Variants in ANKRD29 observed in about 807,000 individuals in gnomAD.
The protein encoded by ANKRD29 is ankyrin repeat domain-containing protein 29.
ANKRD29 carries 32 observed loss-of-function variants against 38.0 expected under a neutral mutation model. That is an observed-to-expected ratio of 0.84 (90% confidence interval 0.64 to 1.13). The LOEUF (loss-of-function observed/expected upper bound fraction) is 1.13. ANKRD29 is among the 50% of genes most tolerant of loss of function. The pLI is 0.00. For synonymous variants in ANKRD29, 135 were observed against 152.4 expected (o/e 0.89, Z 0.84); for missense variants, 357 against 377.9 (o/e 0.94, Z 0.46).
At chr18:23,640,728 C>A (rs1249184916) in intron 3 of ANKRD29, among the ~76,000 whole-genome samples, 1 of 152,150 alleles carries the variant, frequency 6.6e-6, no homozygotes, top group Non-Finnish European at 1.5e-5. Flanking sequence ...ATGAACCATT[C>A]TTGTGGGCAA....
rs2059910306 is a variant in ANKRD29, at chr18:23,630,066, G to T, written c.430-115C>A. The T allele has an allele frequency of 4.9e-6, 4 of 812,218 alleles. No individual in the cohort carries two copies. The Admixed American group carries it at 9.1e-5, about 18-fold the overall frequency. The allele number at this position is 812,218 out of a possible 1,614,324, so 50.3% of individuals were successfully genotyped here. A position where few individuals can be genotyped will look rare whatever the true frequency, so the allele number is the denominator to read the frequency against. ...TAATCACAGCACTTTGGGAGGCCTA[G>T]GTAGGTGAATCCAGGAGATAGAGAC... is the stretch of plus-strand genomic sequence containing the variant. On this transcript the variant is annotated intron_variant, in intron 5 of 9. Coordinates refer to ENST00000592179, the MANE Select transcript of ANKRD29 (RefSeq NM_173505.4).
intron 1 of ANKRD29, among the ~76,000 whole-genome samples, chr18:23,654,663 C>G (rs563938674): frequency 6.7e-6 from 1 of 150,240 alleles, no homozygotes; most frequent in African/African-American, 2.4e-5. Context: ...CTGTTTGGGT[C>G]CAGAGTCTGA....
At chr18:23,633,912 T>G in intron 5 of ANKRD29, 139 bp downstream of exon 5, 3 of 812,622 alleles carry the variant, frequency 3.7e-6, no homozygotes, top group Non-Finnish European at 6.1e-6. Flanking sequence ...TGGTCCGCTA[T>G]ATATTTTTCT....
At chr18:23,636,786 C>A (rs2060008744) in intron 4 of ANKRD29, among the ~76,000 whole-genome samples, 1 of 152,046 alleles carries the variant, frequency 6.6e-6, no homozygotes, top group Non-Finnish European at 1.5e-5. Context: ...ATTGCCCAGG[C>A]TGGTCTTGAA....
intron 9 of ANKRD29, among the ~76,000 whole-genome samples, chr18:23,605,216 C>T (rs1012452997): frequency 3.9e-5 from 6 of 152,110 alleles, no homozygotes; most frequent in South Asian, 2.1e-4. Flanking sequence ...CCACCATGCC[C>T]GGCCCAGAAT....
intron 7 of ANKRD29, chr18:23,618,924 T>C (rs1876864142): frequency 6.6e-6 from 1 of 152,132 alleles, no homozygotes; most frequent in Non-Finnish European, 1.5e-5. Flanking sequence ...GATTTCCCTT[T>C]TTTGGAGCTT....
rs149474479 is a variant in ANKRD29, at chr18:23,633,719, C to T, written c.429+332G>A. ...CTGAGTAGCTGGGATTACAGGCACCCGCTACCATCCCCGGCTAAGTTTTGT... is the reference window on the plus strand; with the variant it reads ...CTGAGTAGCTGGGATTACAGGCACCTGCTACCATCCCCGGCTAAGTTTTGT... On this transcript the variant is annotated intron_variant, in intron 5 of 9. Coordinates refer to ENST00000592179, the MANE Select transcript of ANKRD29 (RefSeq NM_173505.4). Among the ~76,000 whole-genome samples the T allele has an allele frequency of 1.7e-3, 255 of 152,078 alleles. 2 individuals carry two copies. The highest frequency in any genetic ancestry group is 5.9e-3 in the African/African-American group (244 of 41,484).
chr18:23,640,252 G>A (rs988826045), intron 3 of ANKRD29, among the ~76,000 whole-genome samples: 8 of 152,180 alleles, frequency 5.3e-5, no homozygotes, highest in Non-Finnish European at 1.0e-4. Context: ...TCCCCCAGGA[G>A]CCTCCAGTGG....
intron 1 of ANKRD29, 83 bp downstream of exon 1, chr18:23,662,627 A>AACACC: frequency 1.8e-5 from 1 of 54,444 alleles, no homozygotes; most frequent in Non-Finnish European, 3.3e-5. Context: ...ACCCCATCCC[A>AACACC]CCCCATCCCA....
chr18:23,631,243 T>C (rs1457860279), intron 5 of ANKRD29, among the ~76,000 whole-genome samples: 2 of 106,996 alleles, frequency 1.9e-5, no homozygotes, highest in Non-Finnish European at 4.2e-5. Flanking sequence ...CTCTCTCTTC[T>C]TTTTTTTTTT....
rs2059485819 is a variant in ANKRD29, at chr18:23,599,181, T to A, written c.*2045A>T. The A allele has an allele frequency of 6.6e-6, 1 of 152,210 alleles. No individual in the cohort carries two copies. The highest frequency in any genetic ancestry group is 2.4e-5 in the African/African-American group (1 of 41,462). 9.4% of individuals were successfully genotyped at this position (152,210 alleles called of 1,614,324 possible). A position where few individuals can be genotyped will look rare whatever the true frequency, so the allele number is the denominator to read the frequency against. On this transcript the variant is annotated 3_prime_UTR_variant, in exon 10 of 10. Transcript: ENST00000592179. Reference sequence around the variant, plus strand: ...CGTACAGTCTTTGGTAGGTGATGATTCATTTTCCCTGCTATGGGTAATCTC... The same window carrying A: ...CGTACAGTCTTTGGTAGGTGATGATACATTTTCCCTGCTATGGGTAATCTC...
At chr18:23,620,126 C>T (rs2059778529) in intron 6 of ANKRD29, among the ~76,000 whole-genome samples, 1 of 152,130 alleles carries the variant, frequency 6.6e-6, no homozygotes, top group South Asian at 2.1e-4. Flanking sequence ...CCTTCATTCC[C>T]ATAGAACGCA....
Position 23,629,814 on chromosome 18 carries a change from G to A in ANKRD29, c.528+39C>T, listed in dbSNP as rs190107823. 4.7e-4 allele frequency: 745 copies of A among 1,571,736 alleles called. 7 individuals carry two copies. The East Asian group carries it at 0.013, about 27-fold the overall frequency. On this transcript the variant is annotated intron_variant, in intron 6 of 9. Transcript: ENST00000592179. ...GGACACCCAGCCCTCCCTGCCCCAT[G>A]CGCCATGTGCTCGGGCAAATGTCAA...
rs565572203 is a variant in ANKRD29 at position 23,601,408 on chromosome 18, A to C, written c.823-99T>G. ...TTGACCCACTCTTTCTCCTTCACTA[A>C]TGAAAAAAATCCACACTGGACTCAC... On this transcript the variant is annotated intron_variant, in intron 9 of 9. Transcript: ENST00000592179. 10 of 911,476 alleles carry C rather than the reference A, an allele frequency of 1.1e-5. No individual in the cohort carries two copies. The East Asian group carries it at 2.5e-4, about 23-fold the overall frequency. 56.5% of individuals were successfully genotyped at this position (911,476 alleles called of 1,614,324 possible).
At chr18:23,610,784 A>G (rs2059631769) in intron 9 of ANKRD29, among the ~76,000 whole-genome samples, 1 of 152,160 alleles carries the variant, frequency 6.6e-6, no homozygotes. Context: ...GGGTTCAGGT[A>G]ATCCTCCCAC....
chr18:23,638,256 TC>T (rs1238494265), intron 4 of ANKRD29, among the ~76,000 whole-genome samples: 1 of 152,176 alleles, frequency 6.6e-6, no homozygotes, highest in Non-Finnish European at 1.5e-5. Context: ...TGCCTCGGCC[TC>T]CCAAAGTGTT....
intron 2 of ANKRD29, chr18:23,647,558 C>G (rs1439719909): frequency 6.6e-6 from 1 of 151,996 alleles, no homozygotes; most frequent in Non-Finnish European, 1.5e-5. Context: ...GAAGTCTCGC[C>G]TCCCAGGCTG....
Position 23,619,607 on chromosome 18 carries a change from A to G in ANKRD29, c.551T>C (p.Ile184Thr), listed in dbSNP as rs1430119385. ...PRQDGTAPLW[I>T]ASQMGHSEVV... ...CTCGCTGTGGCCCATCTGGGACGCG[A>G]TCCACAGGGGCGCTGTCCCGTCCTG... The change falls in exon 7 of 10, where the codon ATC becomes ACC. Residue 184 changes from isoleucine (I) to threonine (T), a missense_variant. Physicochemically the swap from Ile to Thr is moderately conservative, Grantham distance 89. Coordinates refer to ENST00000592179, the MANE Select transcript of ANKRD29 (RefSeq NM_173505.4). The G allele has an allele frequency of 6.3e-6, 10 of 1,595,240 alleles. No homozygotes were observed. Among genetic ancestry groups the G allele is most frequent in the Non-Finnish European group, 7.6e-6 (9 of 1,178,306 alleles).
At chr18:23,621,163 C>A (rs1287058198) in intron 6 of ANKRD29, among the ~76,000 whole-genome samples, 3 of 152,130 alleles carry the variant, frequency 2.0e-5, no homozygotes, top group African/African-American at 7.2e-5. Context: ...TGGTAATATG[C>A]CCCAAGAGAC....
Sources: gnomAD v4.1 joint callset for allele counts (sites outside exome capture counted in the v4.1 genomes callset) on GRCh38, gnomAD v4.1.1 for gene constraint, MANE v1.5 for transcripts, NCBI Gene and HGNC (gene_info 2026-07-23, HGNC 2026-07-21) for gene names.